The following EXOC4 variants were observed in gnomAD, a reference collection of about 807,000 sequenced individuals.
EXOC4 encodes the protein SEC8-like 1.
A neutral mutation model predicts 107.2 loss-of-function variants in EXOC4; 71 were observed. The ratio of observed to expected loss-of-function variants is 0.66; its 90% CI spans 0.55 to 0.81. EXOC4 has a LOEUF of 0.81. Ranked by LOEUF, EXOC4 falls within the 30% of genes least tolerant of loss-of-function variation. EXOC4 has a pLI of 0.00. For synonymous variants in EXOC4, 456 were observed against 441.2 expected, an observed-to-expected ratio of 1.03 and a Z score of -0.42; for missense variants, 1,108 against 1,189.6, an observed-to-expected ratio of 0.93 and a Z score of 1.01.
intron 9 of EXOC4, among the ~76,000 whole-genome samples, chr7:133,604,710 C>CTTTTTTTTTTTTTTTTTTTTT (rs61548710): frequency 8.0e-5 from 4 of 50,270 alleles, no homozygotes; most frequent in Non-Finnish European, 1.4e-4. Context: ...TTCCTTCTTT[C>CTTTTTTTTTTTTTTTTTTTTT]TTTTTTTTTT....
intron 9 of EXOC4, among the ~76,000 whole-genome samples, chr7:133,546,708 A>C (rs1800489424): frequency 6.6e-6 from 1 of 152,010 alleles, no homozygotes; most frequent in Non-Finnish European, 1.5e-5. Flanking sequence ...TGGCAACCTG[A>C]TTCCTGTCCA....
At chr7:133,876,711 A>G (rs6954859) in intron 11 of EXOC4, among the ~76,000 whole-genome samples, 94,755 of 151,898 alleles carry the variant, frequency 0.62, 32,166 homozygotes, top group African/African-American at 0.91. Flanking sequence ...CCATTTTCCC[A>G]GGGAGGGGGC....
intron 9 of EXOC4, among the ~76,000 whole-genome samples, chr7:133,612,306 A>T (rs1202352883): frequency 1.3e-5 from 2 of 152,190 alleles, no homozygotes; most frequent in African/African-American, 4.8e-5. Flanking sequence ...ACTTGCTGGT[A>T]TATAGAAGTA....
chr7:133,793,113 A>G (rs1463752065), intron 10 of EXOC4, among the ~76,000 whole-genome samples: 2 of 152,170 alleles, frequency 1.3e-5, no homozygotes, highest in Non-Finnish European at 2.9e-5. Context: ...AATGTATCCA[A>G]TTAGCAAATT....
At chr7:133,437,127 G>T (rs1320495032) in intron 7 of EXOC4, among the ~76,000 whole-genome samples, 7 of 151,998 alleles carry the variant, frequency 4.6e-5, no homozygotes, top group Admixed American at 4.6e-4. Context: ...ACATGTTAGA[G>T]GATTTCATTT....
At chr7:133,694,640 C>T (rs993070074) in intron 10 of EXOC4, among the ~76,000 whole-genome samples, 3 of 152,056 alleles carry the variant, frequency 2.0e-5, no homozygotes, top group Non-Finnish European at 2.9e-5. Flanking sequence ...AATTTTGATA[C>T]GTGCTTACAA....
chr7:133,509,198 G>T (rs1289970477), intron 9 of EXOC4, among the ~76,000 whole-genome samples: 1 of 152,152 alleles, frequency 6.6e-6, no homozygotes, highest in Admixed American at 6.5e-5. Context: ...GGAGGCCGAG[G>T]TGGGAGGATC....
At chr7:133,412,012 A>C (rs1584896272) in intron 7 of EXOC4, among the ~76,000 whole-genome samples, 1 of 152,046 alleles carries the variant, frequency 6.6e-6, no homozygotes, top group South Asian at 2.1e-4. Context: ...TTGCATTGCA[A>C]GTTTTTGTTT....
intron 9 of EXOC4, among the ~76,000 whole-genome samples, chr7:133,559,970 A>T (rs1329748765): frequency 1.3e-5 from 2 of 152,208 alleles, no homozygotes; most frequent in Non-Finnish European, 2.9e-5. Context: ...GAAAAATTAG[A>T]TAGCTTAGGT....
At chr7:133,639,700 T>C (rs942967446) in intron 10 of EXOC4, among the ~76,000 whole-genome samples, 4 of 152,174 alleles carry the variant, frequency 2.6e-5, no homozygotes, top group Admixed American at 2.0e-4. Flanking sequence ...TGGGAAGTGC[T>C]GGGTCTGACT....
intron 3 of EXOC4, among the ~76,000 whole-genome samples, chr7:133,291,893 C>A (rs1220953808): frequency 6.6e-6 from 1 of 152,130 alleles, no homozygotes; most frequent in South Asian, 2.1e-4. Context: ...TTTGGTCACA[C>A]AGCAACTTAT....
At chr7:133,257,614 C>T (rs1355164820) in intron 1 of EXOC4, among the ~76,000 whole-genome samples, 1 of 152,146 alleles carries the variant, frequency 6.6e-6, no homozygotes, top group African/African-American at 2.4e-5. Context: ...TATAACTTGG[C>T]CTGTAATAAC....
chr7:133,802,236 C>G (rs1368533887), intron 10 of EXOC4, among the ~76,000 whole-genome samples: 1 of 152,184 alleles, frequency 6.6e-6, no homozygotes, highest in African/African-American at 2.4e-5. Flanking sequence ...CTTTTCTGAA[C>G]TGTAATTTCC....
chr7:133,594,622 T>A (rs757766463), intron 9 of EXOC4, among the ~76,000 whole-genome samples: 2 of 150,322 alleles, frequency 1.3e-5, no homozygotes, highest in Non-Finnish European at 3.0e-5. Flanking sequence ...GCCTCCCAAG[T>A]AGCTGGGACT....
chr7:134,082,438 T>C, the EXOC4 span, among the ~76,000 whole-genome samples: 1 of 152,126 alleles, frequency 6.6e-6, no homozygotes, highest in Admixed American at 6.5e-5. Context: ...CAACCTAGTT[T>C]TTATAGTTGT....
chr7:133,463,755 C>T (rs545972901), intron 7 of EXOC4, among the ~76,000 whole-genome samples: 23 of 151,922 alleles, frequency 1.5e-4, no homozygotes, highest in Non-Finnish European at 3.1e-4. Context: ...TAGCAGAAGC[C>T]TGGATTTAGT....
chr7:133,253,279 C>A, intron 1 of EXOC4, 92 bp downstream of exon 1: 1 of 1,471,514 alleles, frequency 6.8e-7, no homozygotes, highest in Non-Finnish European at 9.0e-7. Flanking sequence ...TCCCACCCTG[C>A]TCTCCCCTTT....
At chr7:133,685,180 C>T (rs981884155) in intron 10 of EXOC4, among the ~76,000 whole-genome samples, 20 of 152,074 alleles carry the variant, frequency 1.3e-4, no homozygotes, top group African/African-American at 4.3e-4. Flanking sequence ...TCAGGCTTTG[C>T]GTCCCCACCC....
At chr7:133,294,800 TA>T (rs1364406381) in intron 3 of EXOC4, among the ~76,000 whole-genome samples, 3 of 152,142 alleles carry the variant, frequency 2.0e-5, no homozygotes, top group Middle Eastern at 3.2e-3. Flanking sequence ...GTAGTATTTT[TA>T]GTTAACAAGA....
Sources: allele counts gnomAD v4.1 joint callset (sites outside exome capture counted in the v4.1 genomes callset), GRCh38; gene constraint gnomAD v4.1.1; transcripts MANE v1.5; gene names NCBI Gene and HGNC (gene_info 2026-07-23, HGNC 2026-07-21).